Variants in DAB2IP observed in about 807,000 individuals in gnomAD.
The protein encoded by DAB2IP is disabled homolog 2-interacting protein.
Under a neutral mutation model 107.2 loss-of-function variants are expected in DAB2IP, and 28 were observed. The ratio of observed to expected loss-of-function variants is 0.26; its 90% confidence interval spans 0.19 to 0.36. The LOEUF (loss-of-function observed/expected upper bound fraction) is 0.36. Among genes scored for constraint, DAB2IP ranks in the 10% least tolerant of loss-of-function variants. The probability of loss-of-function intolerance (pLI) is 1.00; values close to 1 mark genes in which losing one functional copy is unlikely to be tolerated. For synonymous variants in DAB2IP, 755 were observed against 706.4 expected (o/e 1.07, Z -1.09); for missense variants, 1,400 against 1,644.7 (o/e 0.85, Z 2.57).
chr9:121,593,258 G>A (rs949930028), intron 1 of DAB2IP, among the ~76,000 whole-genome samples: 14 of 151,922 alleles, frequency 9.2e-5, no homozygotes, highest in South Asian at 4.2e-4. Flanking sequence ...GCTTCTCTTG[G>A]AATTTTGTTG....
chr9:121,613,249 C>T (rs183381159), intron 1 of DAB2IP, among the ~76,000 whole-genome samples: 2 of 152,306 alleles, frequency 1.3e-5, no homozygotes, highest in Admixed American at 6.5e-5. Flanking sequence ...TATAAACCAC[C>T]TTGGCCACTG....
intron 9 of DAB2IP, 76 bp downstream of exon 9, chr9:121,766,806 C>T (rs1450642881): frequency 2.8e-6 from 4 of 1,453,762 alleles, no homozygotes; most frequent in Middle Eastern, 1.8e-4. Context: ...GGTGTTTCTG[C>T]CCCCAAGCTG....
chr9:121,681,231 C>T (rs1459771129), intron 2 of DAB2IP, among the ~76,000 whole-genome samples: 5 of 152,194 alleles, frequency 3.3e-5, no homozygotes, highest in Admixed American at 6.5e-5. Context: ...CACCCATCCT[C>T]AGGCTAGGAG....
At chr9:121,744,041 G>A (rs972949838) in intron 3 of DAB2IP, among the ~76,000 whole-genome samples, 2 of 152,196 alleles carry the variant, frequency 1.3e-5, no homozygotes, top group Non-Finnish European at 2.9e-5. Context: ...GTCCCCTGTG[G>A]TGTGCTCCGT....
At chr9:121,641,945 CTT>C in intron 1 of DAB2IP, among the ~76,000 whole-genome samples, 1 of 116,878 alleles carries the variant, frequency 8.6e-6, no homozygotes, top group Non-Finnish European at 1.7e-5. Context: ...TTCTCTCTTT[CTT>C]TCCTTTCTTT....
intron 3 of DAB2IP, among the ~76,000 whole-genome samples, chr9:121,740,321 C>G (rs1336552004): frequency 6.6e-6 from 1 of 152,176 alleles, no homozygotes; most frequent in East Asian, 1.9e-4. Context: ...GGAAGGCTTG[C>G]TCACTGTGCC....
intron 3 of DAB2IP, among the ~76,000 whole-genome samples, chr9:121,730,994 C>T (rs1316262862): frequency 1.3e-5 from 2 of 152,218 alleles, no homozygotes; most frequent in African/African-American, 4.8e-5. Context: ...TATGCTTGGA[C>T]ATCGTTCTCT....
rs77112290 is a variant in DAB2IP, at chr9:121,595,673, A to T, written c.40+28445A>T. Reference sequence around the variant, plus strand: ...CTTACTAAGATGTGTGAATGTGTGAAGCTCCTTCCTATTAAACATCTCCCT... The same window carrying T: ...CTTACTAAGATGTGTGAATGTGTGATGCTCCTTCCTATTAAACATCTCCCT... On this transcript the variant is annotated intron_variant, in intron 1 of 16. Transcript: ENST00000259371. Among the ~76,000 whole-genome samples, 561 of 152,234 alleles carry T rather than the reference A, an allele frequency of 3.7e-3. 3 individuals carry two copies. Among genetic ancestry groups the T allele is most frequent in the African/African-American group, 0.013 (538 of 41,556 alleles).
At chr9:121,781,347 A>T in intron 14 of DAB2IP, 117 bp from the exon 15 acceptor site, 1 of 988,540 alleles carries the variant, frequency 1.0e-6, no homozygotes, top group Non-Finnish European at 1.5e-6. Context: ...CTCTGACCCA[A>T]GGAGGGGCTC....
At chr9:121,590,802 G>A (rs1830409378) in intron 1 of DAB2IP, among the ~76,000 whole-genome samples, 1 of 152,180 alleles carries the variant, frequency 6.6e-6, no homozygotes, top group Non-Finnish European at 1.5e-5. Flanking sequence ...CCCTTGCTGA[G>A]GGTAGGAGGG....
At chr9:121,691,434 G>A (rs896912596) in intron 2 of DAB2IP, among the ~76,000 whole-genome samples, 2 of 151,548 alleles carry the variant, frequency 1.3e-5, no homozygotes, top group African/African-American at 2.4e-5. Flanking sequence ...GGCTGGGCTG[G>A]TCTCTGGTGG....
intron 1 of DAB2IP, among the ~76,000 whole-genome samples, chr9:121,569,580 G>A (rs1829886124): frequency 1.3e-5 from 2 of 152,258 alleles, no homozygotes; most frequent in South Asian, 4.1e-4. Flanking sequence ...AGCACTTTGG[G>A]AGGCTGAGGC....
chr9:121,776,220 A>T lies in DAB2IP; in HGVS notation c.3143A>T (p.Lys1048Met). 1 of 1,580,196 alleles carries T rather than the reference A, an allele frequency of 6.3e-7. No homozygotes were observed. Among genetic ancestry groups the T allele is most frequent in the Non-Finnish European group, 8.6e-7 (1 of 1,163,488 alleles). Reference sequence around the variant, plus strand: ...TAGGACCTGGCGGTGCTGCAGGACAAGCTGCGAATCTCCACCAAGAAGCTG... The same window carrying T: ...TAGGACCTGGCGGTGCTGCAGGACATGCTGCGAATCTCCACCAAGAAGCTG... Residue 1048 changes from lysine to methionine, a missense_variant, in exon 14 of 16, where the codon AAG becomes ATG. Transcript: ENST00000408936. The surrounding 1 kb of genome is among the most constrained non-coding windows in gnomAD (Gnocchi z 5.4).
At chr9:121,756,898 TGGAGA>T in intron 3 of DAB2IP, 110 bp from the exon 4 acceptor site, 1 of 1,352,626 alleles carries the variant, frequency 7.4e-7, no homozygotes, top group South Asian at 1.2e-5. Flanking sequence ...GGAGAGAGAG[TGGAGA>T]GGAGTGGCTG....
chr9:121,688,478 C>T (rs894949913), intron 2 of DAB2IP, among the ~76,000 whole-genome samples: 1 of 152,208 alleles, frequency 6.6e-6, no homozygotes, highest in Non-Finnish European at 1.5e-5. Flanking sequence ...TTCAAGCCCC[C>T]CAGGCTGTCC....
rs1828754070 is a variant in DAB2IP, at chr9:121,684,436, T to G, written c.228+5655T>G. ...TGGATATCAGCCACCCCGTCTGAGCTGAGCCCTTCTCCCAGCCCCCATCAC... is the reference window on the plus strand; with the variant it reads ...TGGATATCAGCCACCCCGTCTGAGCGGAGCCCTTCTCCCAGCCCCCATCAC... On this transcript the variant is annotated intron_variant, in intron 2 of 15. Transcript: ENST00000408936. This position sits in a 1 kb window ranked among gnomAD's most constrained non-coding sequence, Gnocchi z 4.0. Among the ~76,000 whole-genome samples the G allele has an allele frequency of 6.6e-6, 1 of 152,200 alleles. No homozygotes were observed. Among genetic ancestry groups the G allele is most frequent in the South Asian group, 2.1e-4 (1 of 4,832 alleles).
intron 1 of DAB2IP, among the ~76,000 whole-genome samples, chr9:121,666,751 A>G (rs1833451031): frequency 6.6e-6 from 1 of 152,018 alleles, no homozygotes; most frequent in Non-Finnish European, 1.5e-5. Context: ...GTATCCCAGA[A>G]CTAAAAGTAA....
intron 3 of DAB2IP, among the ~76,000 whole-genome samples, chr9:121,718,407 G>A (rs1564176939): frequency 6.6e-6 from 1 of 152,178 alleles, no homozygotes; most frequent in Non-Finnish European, 1.5e-5. Context: ...CGCTGGGATG[G>A]GCTTGGTGCC....
intron 1 of DAB2IP, among the ~76,000 whole-genome samples, chr9:121,607,378 ACTGTAG>A (rs143482957): frequency 0.011 from 1,642 of 152,148 alleles, 10 homozygotes; most frequent in South Asian, 0.021. Context: ...ATCATGGCTC[ACTGTAG>A]CTTGAACTCC....
Sources: gnomAD v4.1 joint callset for allele counts (sites outside exome capture counted in the v4.1 genomes callset) on GRCh38, gnomAD v4.1.1 for gene constraint, Gnocchi (gnomAD v3.1) non-coding constraint, MANE v1.5 for transcripts, NCBI Gene and HGNC (gene_info 2026-07-23, HGNC 2026-07-21) for gene names.